The following RGPD3 variants were observed in gnomAD, a reference collection of about 807,000 sequenced individuals.
RGPD3 encodes the protein ranBP2-like and GRIP domain-containing protein 3.
RGPD3 carries 62 observed loss-of-function variants against 154.5 expected under a neutral mutation model. The ratio of observed to expected loss-of-function variants is 0.40; its 90% CI spans 0.33 to 0.50. RGPD3 has a LOEUF of 0.50. Among genes scored for constraint, RGPD3 ranks in the 20% least tolerant of loss-of-function variants. The probability of loss-of-function intolerance (pLI) is 0.59; values close to 1 mark genes in which losing one functional copy is unlikely to be tolerated. For missense variants in RGPD3, 919 were observed against 1,716.8 expected, an observed-to-expected ratio of 0.54 and a Z score of 8.21; for synonymous variants, 308 against 607.0, an observed-to-expected ratio of 0.51 and a Z score of 7.24.
chr2:106,436,042 A>C, intron 12 of RGPD3, 81 bp downstream of exon 12: 1 of 1,502,974 alleles, frequency 6.7e-7, no homozygotes, highest in Non-Finnish European at 9.0e-7. Context: ...TTTTCAGAAC[A>C]AAAAAACTTT....
At chr2:106,462,923 A>G (rs1450871666) in intron 1 of RGPD3, among the ~76,000 whole-genome samples, 1 of 150,406 alleles carries the variant, frequency 6.6e-6, no homozygotes, top group Non-Finnish European at 1.5e-5. Flanking sequence ...ACATAAGGGT[A>G]AGGAAATCTC....
At chr2:106,414,309 AAG>A (rs1312037659) in intron 21 of RGPD3, among the ~76,000 whole-genome samples, 2 of 152,218 alleles carry the variant, frequency 1.3e-5, no homozygotes, top group Non-Finnish European at 2.9e-5. Context: ...AGAAATCATG[AAG>A]AGAGTATAAA....
intron 22 of RGPD3, among the ~76,000 whole-genome samples, chr2:106,412,078 G>A (rs911544546): frequency 4.8e-5 from 7 of 146,930 alleles, no homozygotes; most frequent in African/African-American, 1.8e-4. Context: ...TTAGAGATGG[G>A]TGACAACTCA....
upstream of RGPD3, chr2:106,470,859 G>C (rs1678795993): frequency 3.7e-6 from 6 of 1,601,804 alleles, no homozygotes; most frequent in Non-Finnish European, 4.3e-6. Flanking sequence ...GCCATCTAGT[G>C]GAGTACTGGG....
rs778281846 is a variant in RGPD3, at chr2:106,468,318, T to C, written c.-30A>G. On this transcript the variant is annotated 5_prime_UTR_variant, in exon 1 of 23. Transcript: ENST00000409886. ...CCACCAACCTGGCTCCCGAGATGCGTGAGACCAGCGCTCAGCCCCGCAGCA... is the reference window on the plus strand; with the variant it reads ...CCACCAACCTGGCTCCCGAGATGCGCGAGACCAGCGCTCAGCCCCGCAGCA... 1 of 1,590,176 alleles carries C rather than the reference T, an allele frequency of 6.3e-7. No individual in the cohort carries two copies.
At chr2:106,449,998 C>A (rs1354552418) in intron 6 of RGPD3, among the ~76,000 whole-genome samples, 1 of 148,144 alleles carries the variant, frequency 6.8e-6, no homozygotes, top group East Asian at 2.1e-4. Flanking sequence ...GCCTGGGCAA[C>A]AGAGCGAGAC....
chr2:106,469,750 T>G (rs571063842), upstream of RGPD3, among the ~76,000 whole-genome samples: 1 of 152,216 alleles, frequency 6.6e-6, no homozygotes, highest in East Asian at 1.9e-4. Flanking sequence ...CTCATATTAA[T>G]CCCTCCTTTC....
intron 7 of RGPD3, among the ~76,000 whole-genome samples, chr2:106,441,863 CAA>C (rs1166971652): frequency 8.8e-3 from 120 of 13,590 alleles, no homozygotes; most frequent in African/African-American, 0.032. Flanking sequence ...GACTCCATCG[CAA>C]AAAAAAAAAA....
intron 22 of RGPD3, among the ~76,000 whole-genome samples, chr2:106,406,941 C>A (rs1676535666): frequency 6.6e-6 from 1 of 152,070 alleles, no homozygotes; most frequent in Non-Finnish European, 1.5e-5. Context: ...GTGTTATTTA[C>A]AATCTGCTGC....
At chr2:106,412,559 C>T (rs753986013) in intron 22 of RGPD3, among the ~76,000 whole-genome samples, 23 of 151,034 alleles carry the variant, frequency 1.5e-4, no homozygotes, top group Admixed American at 1.1e-3. Flanking sequence ...CCGCCTGCCT[C>T]GGCCTCCCAA....
At chr2:106,432,175 G>A (rs1432974305) in intron 17 of RGPD3, among the ~76,000 whole-genome samples, 1 of 149,020 alleles carries the variant, frequency 6.7e-6, no homozygotes, top group Non-Finnish European at 1.5e-5. Flanking sequence ...GTAAAGGGCT[G>A]GGTGCGGTGG....
At chr2:106,461,452 C>T (rs1297518789) in intron 1 of RGPD3, among the ~76,000 whole-genome samples, 1 of 152,184 alleles carries the variant, frequency 6.6e-6, no homozygotes, top group Admixed American at 6.5e-5. Context: ...AAAGGGATGA[C>T]TTGTGTCCTA....
At position 106,425,074 on chromosome 2, in the gene RGPD3, G is replaced by A. The variant is rs749137819; in HGVS notation, c.2893C>T (p.Gln965Ter). Residue 965 changes from glutamine to a stop codon, truncating the protein, a stop_gained, in exon 20 of 23, where the codon CAA (glutamine) becomes TAA (stop). Coordinates refer to ENST00000409886, the MANE Select transcript of RGPD3 (RefSeq NM_001144013.2). LOFTEE classifies it high-confidence loss of function. ...RKKGRGVIFG[Q>*]TSSTFTFADV... ...GCAAATGTAAAAGTGCTACTTGTTT[G>A]GCCAAAAATCACACCACGGCCCTTC... 5 of 1,611,748 alleles carry A rather than the reference G, an allele frequency of 3.1e-6. No individual in the cohort carries two copies. The highest frequency in any genetic ancestry group is 4.2e-6 in the Non-Finnish European group (5 of 1,179,848).
chr2:106,441,953 G>T (rs1677759079), intron 7 of RGPD3, among the ~76,000 whole-genome samples: 1 of 144,400 alleles, frequency 6.9e-6, no homozygotes, highest in East Asian at 2.0e-4. Context: ...GGCCAAGGTG[G>T]GGGGATCACT....
At chr2:106,461,919 C>A (rs1443445222) in intron 1 of RGPD3, among the ~76,000 whole-genome samples, 1 of 151,906 alleles carries the variant, frequency 6.6e-6, no homozygotes, top group East Asian at 1.9e-4. Flanking sequence ...TTCCCCCCTT[C>A]CTTTTTTTTT....
Position 106,464,857 on chromosome 2 carries a change from G to A in RGPD3, c.72+3360C>T, listed in dbSNP as rs1455148696. Among the ~76,000 whole-genome samples the A allele has an allele frequency of 1.2e-4, 18 of 151,150 alleles. No homozygotes were observed. In the South Asian group the frequency reaches 2.7e-3, roughly 23 times the overall value. ...TCCTGTCTCAGCCTACCGAGTAGGT[G>A]GGACTACAGGCGCTGCCACCACGCC... On this transcript the variant is annotated intron_variant, in intron 1 of 22. Coordinates refer to ENST00000409886, the MANE Select transcript of RGPD3 (RefSeq NM_001144013.2).
intron 4 of RGPD3, among the ~76,000 whole-genome samples, chr2:106,455,146 C>T (rs1334872696): frequency 4.6e-5 from 7 of 152,050 alleles, no homozygotes; most frequent in South Asian, 2.1e-4. Context: ...CCAGCATGGG[C>T]GACAGAGCAA....
intron 22 of RGPD3, among the ~76,000 whole-genome samples, chr2:106,410,690 C>G (rs71234762): frequency 3.3e-5 from 5 of 152,094 alleles, no homozygotes; most frequent in Non-Finnish European, 1.5e-5. Context: ...TTCTGTCTTG[C>G]TTTTTATAGG....
chr2:106,415,973 A>C lies in RGPD3; in HGVS notation c.4941T>G (p.Tyr1647Ter). 6.2e-7 allele frequency: 1 copy of C among 1,611,838 alleles called. No homozygotes were observed. Among genetic ancestry groups the C allele is most frequent in the Non-Finnish European group, 8.5e-7 (1 of 1,179,812 alleles). Residue 1647 changes from tyrosine to a stop codon, truncating the protein, a stop_gained, in exon 21 of 23, where the codon TAT (tyrosine) becomes TAG (stop). Transcript: ENST00000409886. LOFTEE classifies it high-confidence loss of function. ...KTPEKEPPLW[Y>*]AEFTKEELVQ... ...CCAATTCTTCTTTAGTAAATTCAGC[A>C]TACCATAATGGAGGCTCTGCAACAT...
Sources: gnomAD v4.1 joint callset for allele counts (sites outside exome capture counted in the v4.1 genomes callset) on GRCh38, gnomAD v4.1.1 for gene constraint, MANE v1.5 for transcripts, NCBI Gene and HGNC (gene_info 2026-07-23, HGNC 2026-07-21) for gene names.